Variants in PPP1R9A observed in about 807,000 individuals in gnomAD.
PPP1R9A encodes the protein protein phosphatase 1 regulatory subunit 9A, also known as neurabin-1.
A neutral mutation model predicts 141.9 loss-of-function variants in PPP1R9A; 59 were observed. The observed-to-expected ratio is 0.42, with a 90% CI of 0.34 to 0.52. The LOEUF is 0.52. PPP1R9A is among the 20% of genes least tolerant of loss of function. The pLI, the probability that PPP1R9A is intolerant of heterozygous loss-of-function variation, is 0.10. For synonymous variants in PPP1R9A, 500 were observed against 569.7 expected, an observed-to-expected ratio of 0.88 and a Z score of 1.74; for missense variants, 1,444 against 1,611.9, an observed-to-expected ratio of 0.90 and a Z score of 1.78.
chr7:95,199,776 A>G (rs539344628), intron 6 of PPP1R9A, among the ~76,000 whole-genome samples: 38 of 152,316 alleles, frequency 2.5e-4, no homozygotes, highest in African/African-American at 7.9e-4. Context: ...TTCAAACTAA[A>G]AAAGGGATTT....
chr7:95,211,128 C>T (rs760860163), intron 7 of PPP1R9A, among the ~76,000 whole-genome samples: 3 of 147,554 alleles, frequency 2.0e-5, no homozygotes, highest in Non-Finnish European at 4.5e-5. Flanking sequence ...CACATGTATC[C>T]CAGAACTTAA....
rs1806900315 is a variant in PPP1R9A at position 95,294,969 on chromosome 7, C to T, written c.*4666C>T. 1.3e-5 allele frequency: 2 copies of T among 152,636 alleles called. No individual in the cohort carries two copies. Among genetic ancestry groups the T allele is most frequent in the Admixed American group, 1.3e-4 (2 of 15,278 alleles). The allele number at this position is 152,636 out of a possible 1,614,324, so 9.5% of individuals were successfully genotyped here. On this transcript the variant is annotated 3_prime_UTR_variant, in exon 20 of 20. Coordinates refer to ENST00000433360, the MANE Select transcript of PPP1R9A (RefSeq NM_001166160.2). ...GAAAGAAATATGATGATTTCCTATG[C>T]TTGACCCTAACCCAACCCCAAAACT...
At position 95,061,818 on chromosome 7, in the gene PPP1R9A, C is replaced by T. The variant is rs78262876; in HGVS notation, c.1396-49441C>T. ...ACTAATGTTAGTCTTACCCAAGATA[C>T]AATAAAACTTTATTAACACACAGCA... is the stretch of plus-strand genomic sequence containing the variant. On this transcript the variant is annotated intron_variant, in intron 2 of 19. Coordinates refer to ENST00000433360, the MANE Select transcript of PPP1R9A (RefSeq NM_001166160.2). Among the ~76,000 whole-genome samples the T allele has an allele frequency of 2.4e-3, 370 of 152,214 alleles. 6 individuals carry two copies. Among genetic ancestry groups the T allele is most frequent in the African/African-American group, 8.3e-3 (345 of 41,552 alleles).
intron 4 of PPP1R9A, among the ~76,000 whole-genome samples, chr7:95,161,162 C>T (rs1830415635): frequency 1.3e-5 from 2 of 152,130 alleles, no homozygotes; most frequent in Admixed American, 1.3e-4. Context: ...TCCCTCTTCT[C>T]CACATTCTTC....
chr7:95,158,494 TC>T (rs1402104470), intron 4 of PPP1R9A, among the ~76,000 whole-genome samples: 1 of 151,656 alleles, frequency 6.6e-6, no homozygotes, highest in East Asian at 1.9e-4. Flanking sequence ...ATCCCCCACC[TC>T]CCCAAAAAAG....
At chr7:95,164,638 A>G (rs959626220) in intron 5 of PPP1R9A, among the ~76,000 whole-genome samples, 2 of 151,144 alleles carry the variant, frequency 1.3e-5, no homozygotes, top group Admixed American at 6.6e-5. Context: ...ATCCTCTAGA[A>G]TCTTATTTTC....
intron 4 of PPP1R9A, among the ~76,000 whole-genome samples, chr7:95,138,178 C>T (rs1319558312): frequency 2.6e-5 from 4 of 152,090 alleles, no homozygotes; most frequent in Non-Finnish European, 5.9e-5. Flanking sequence ...GTGATCCGCC[C>T]GCCTTGGTCT....
chr7:95,157,197 A>G (rs1022544919), intron 4 of PPP1R9A, among the ~76,000 whole-genome samples: 2 of 152,150 alleles, frequency 1.3e-5, no homozygotes, highest in African/African-American at 2.4e-5. Flanking sequence ...GGAGAAGCCA[A>G]GCAGCGGGAG....
At position 94,967,862 on chromosome 7, in the gene PPP1R9A, G is replaced by A. The variant is rs563833793; in HGVS notation, c.1395+56354G>A. Among the ~76,000 whole-genome samples, 11 of 152,312 alleles carry A rather than the reference G, an allele frequency of 7.2e-5. No individual in the cohort carries two copies. In the South Asian group the frequency reaches 2.3e-3, roughly 32 times the overall value. On this transcript the variant is annotated intron_variant, in intron 2 of 19. Coordinates refer to ENST00000433360, the MANE Select transcript of PPP1R9A (RefSeq NM_001166160.2). Reference sequence around the variant, plus strand: ...GTCAATTTTAGAATAAGTGCAATGTGGTTCTGAGAAGAATGTATATTCTGT... The same window carrying A: ...GTCAATTTTAGAATAAGTGCAATGTAGTTCTGAGAAGAATGTATATTCTGT...
At chr7:94,968,043 C>A (rs909396357) in intron 2 of PPP1R9A, among the ~76,000 whole-genome samples, 1 of 152,166 alleles carries the variant, frequency 6.6e-6, no homozygotes, top group African/African-American at 2.4e-5. Context: ...GTGTGGGAGT[C>A]TAAATCTCTT....
intron 8 of PPP1R9A, among the ~76,000 whole-genome samples, chr7:95,243,051 A>C (rs1797674813): frequency 1.3e-5 from 2 of 152,152 alleles, no homozygotes; most frequent in South Asian, 4.1e-4. Context: ...TTTACCAACT[A>C]TGCTTCATTT....
chr7:95,219,910 G>A (rs1347933068), intron 7 of PPP1R9A, among the ~76,000 whole-genome samples: 8 of 152,006 alleles, frequency 5.3e-5, no homozygotes, highest in African/African-American at 1.9e-4. Flanking sequence ...TTAGTTTATG[G>A]TGTTGTCCTG....
At chr7:94,965,631 T>G (rs1409660445) in intron 2 of PPP1R9A, among the ~76,000 whole-genome samples, 1 of 151,922 alleles carries the variant, frequency 6.6e-6, no homozygotes, top group African/African-American at 2.4e-5. Flanking sequence ...GATGGTTGTA[T>G]GTGTGGCATT....
chr7:95,203,270 T>C (rs1789976080), intron 6 of PPP1R9A, among the ~76,000 whole-genome samples: 1 of 152,012 alleles, frequency 6.6e-6, no homozygotes, highest in Non-Finnish European at 1.5e-5. Flanking sequence ...GGCAAAAATA[T>C]AATGGAAGCT....
chr7:95,178,468 C>T (rs1321358521), intron 5 of PPP1R9A, among the ~76,000 whole-genome samples: 1 of 151,780 alleles, frequency 6.6e-6, no homozygotes, highest in East Asian at 1.9e-4. Context: ...GGTCACACCT[C>T]AGGGAACTAG....
rs146361565 is a variant in PPP1R9A, at chr7:94,975,444, G to A, written c.1395+63936G>A. 3.7e-3 allele frequency among the ~76,000 whole-genome samples: 544 copies of A among 147,126 alleles called. 3 individuals carry two copies. Among genetic ancestry groups the A allele is most frequent in the African/African-American group, 0.013 (509 of 40,508 alleles). ...ACTGCATCTGAGTGGAAGAGGTCTA[G>A]TGTAAAGTGACTCATTCTTAAACAT... is the stretch of plus-strand genomic sequence containing the variant. On this transcript the variant is annotated intron_variant, in intron 2 of 19. Coordinates refer to ENST00000433360, the MANE Select transcript of PPP1R9A (RefSeq NM_001166160.2).
intron 8 of PPP1R9A, 40 bp from the exon 9 acceptor site, chr7:95,247,433 C>T (rs1042734331): frequency 3.3e-6 from 5 of 1,513,792 alleles, no homozygotes; most frequent in Non-Finnish European, 1.8e-6. Flanking sequence ...TATAGATACA[C>T]TTTCTTAGTT....
intron 2 of PPP1R9A, among the ~76,000 whole-genome samples, chr7:94,967,457 C>T (rs1452786109): frequency 6.6e-6 from 1 of 152,036 alleles, no homozygotes; most frequent in Non-Finnish European, 1.5e-5. Context: ...GCATTTAGTG[C>T]TATAAATTTT....
intron 8 of PPP1R9A, among the ~76,000 whole-genome samples, chr7:95,246,681 T>C (rs1183011495): frequency 2.0e-5 from 3 of 152,192 alleles, no homozygotes; most frequent in Admixed American, 2.0e-4. Context: ...AGACAAGAAA[T>C]TGTGAACCCA....
Sources: gnomAD v4.1 joint callset for allele counts (sites outside exome capture counted in the v4.1 genomes callset) on GRCh38, gnomAD v4.1.1 for gene constraint, MANE v1.5 for transcripts, NCBI Gene and HGNC (gene_info 2026-07-23, HGNC 2026-07-21) for gene names.